The following BBS9 variants were observed in gnomAD, a reference collection of about 807,000 sequenced individuals.
BBS9 encodes the protein protein PTHB1.
BBS9 carries 89 observed loss-of-function variants against 117.7 expected under a neutral mutation model. The observed-to-expected ratio is 0.76, with a 90% confidence interval of 0.64 to 0.90. The LOEUF is 0.90. Ranked by LOEUF, BBS9 falls within the 40% of genes least tolerant of loss-of-function variation. The pLI is 0.00. For missense variants in BBS9, 982 were observed against 1,042.2 expected (o/e 0.94, Z 0.80); for synonymous variants, 379 against 370.9 (o/e 1.02, Z -0.25).
intron 20 of BBS9, among the ~76,000 whole-genome samples, chr7:33,514,706 C>A (rs1425812327): frequency 6.6e-6 from 1 of 152,102 alleles, no homozygotes; most frequent in Non-Finnish European, 1.5e-5. Context: ...CACAAAGTAA[C>A]TAAAAATGGC....
intron 20 of BBS9, among the ~76,000 whole-genome samples, chr7:33,515,618 T>G (rs535860704): frequency 6.6e-6 from 1 of 152,240 alleles, no homozygotes; most frequent in Non-Finnish European, 1.5e-5. Context: ...TTTAATGCTC[T>G]CACAATAGTC....
chr7:33,446,765 GA>G, intron 19 of BBS9, among the ~76,000 whole-genome samples: 1 of 152,238 alleles, frequency 6.6e-6, no homozygotes, highest in Middle Eastern at 3.4e-3. Context: ...CAATATTAGC[GA>G]AAGAAATTGG....
intron 21 of BBS9, among the ~76,000 whole-genome samples, chr7:33,594,800 G>A (rs1862465692): frequency 6.6e-6 from 1 of 152,050 alleles, no homozygotes; most frequent in Admixed American, 6.6e-5. Flanking sequence ...CTTTGATGAG[G>A]TCTGTGCCTG....
intron 21 of BBS9, among the ~76,000 whole-genome samples, chr7:33,565,826 T>TAC (rs1856823175): frequency 8.7e-5 from 4 of 46,228 alleles, no homozygotes; most frequent in South Asian, 7.6e-4. Flanking sequence ...TATATATATA[T>TAC]ACCGCTATAT....
At chr7:33,307,116 AT>A (rs945451272) in intron 9 of BBS9, among the ~76,000 whole-genome samples, 24 of 152,282 alleles carry the variant, frequency 1.6e-4, no homozygotes, top group Admixed American at 1.0e-3. Context: ...ATTCTTTTCA[AT>A]TTTCAATTTG....
intron 5 of BBS9, among the ~76,000 whole-genome samples, chr7:33,226,171 C>T (rs538465085): frequency 2.0e-5 from 3 of 152,176 alleles, no homozygotes; most frequent in African/African-American, 7.2e-5. Context: ...GATCCTTACT[C>T]TTTCCCCTTG....
intron 5 of BBS9, among the ~76,000 whole-genome samples, chr7:33,253,698 C>T (rs1419823734): frequency 6.6e-6 from 1 of 152,170 alleles, no homozygotes; most frequent in Non-Finnish European, 1.5e-5. Flanking sequence ...GCTCTGCTGT[C>T]CACAATACGT....
chr7:33,505,727 T>G, intron 20 of BBS9, 82 bp downstream of exon 20: 1 of 1,411,554 alleles, frequency 7.1e-7, no homozygotes. Context: ...GGCTATCAGG[T>G]TTTCTAAGGT....
At chr7:33,506,480 G>A (rs1466865146) in intron 20 of BBS9, among the ~76,000 whole-genome samples, 1 of 152,152 alleles carries the variant, frequency 6.6e-6, no homozygotes, top group Non-Finnish European at 1.5e-5. Flanking sequence ...GGTACCAGGT[G>A]TTAAGTGTTT....
At chr7:33,363,376 T>C (rs944781423) in intron 16 of BBS9, among the ~76,000 whole-genome samples, 3 of 152,198 alleles carry the variant, frequency 2.0e-5, no homozygotes, top group African/African-American at 7.2e-5. Flanking sequence ...GTGCTGGGAT[T>C]ACAGGCGTGA....
At chr7:33,343,611 GTC>G (rs945863012) in intron 11 of BBS9, among the ~76,000 whole-genome samples, 3 of 151,962 alleles carry the variant, frequency 2.0e-5, no homozygotes, top group African/African-American at 4.8e-5. Context: ...CAATTCTCCT[GTC>G]TCAGCCTCCG....
intron 21 of BBS9, among the ~76,000 whole-genome samples, chr7:33,617,266 T>C (rs1865187863): frequency 1.3e-5 from 2 of 152,084 alleles, no homozygotes; most frequent in African/African-American, 4.8e-5. Context: ...AAGACACATA[T>C]AGATTAAAAG....
At chr7:33,385,852 T>C (rs1825907898) in intron 18 of BBS9, among the ~76,000 whole-genome samples, 1 of 152,168 alleles carries the variant, frequency 6.6e-6, no homozygotes, top group Admixed American at 6.5e-5. Context: ...TATTTAAAAA[T>C]ATTTTTATTA....
At chr7:33,183,644 A>C (rs966646195) in intron 5 of BBS9, among the ~76,000 whole-genome samples, 12 of 152,200 alleles carry the variant, frequency 7.9e-5, no homozygotes, top group Admixed American at 3.9e-4. Context: ...AGAGCAGTCA[A>C]TTTTGAGCTT....
At chr7:33,396,944 AG>A (rs1828070827) in intron 19 of BBS9, among the ~76,000 whole-genome samples, 2 of 152,192 alleles carry the variant, frequency 1.3e-5, no homozygotes, top group African/African-American at 4.8e-5. Flanking sequence ...AGAGCTAGCT[AG>A]CCATATGCAA....
At chr7:33,468,018 A>C (rs182728568) in intron 19 of BBS9, among the ~76,000 whole-genome samples, 9 of 152,164 alleles carry the variant, frequency 5.9e-5, no homozygotes, top group Non-Finnish European at 1.2e-4. Context: ...CCAGCCTGCC[A>C]TGTGCTCTGT....
intron 21 of BBS9, among the ~76,000 whole-genome samples, chr7:33,590,452 TTTTTTTG>T (rs1285541316): frequency 3.9e-5 from 4 of 102,706 alleles, no homozygotes; most frequent in East Asian, 3.9e-4. Context: ...TGTTTTTTTG[TTTTTTTG>T]TTTTTTTTTT....
At chr7:33,298,185 G>C (rs1805656588) in intron 9 of BBS9, among the ~76,000 whole-genome samples, 1 of 151,766 alleles carries the variant, frequency 6.6e-6, no homozygotes, top group Non-Finnish European at 1.5e-5. Context: ...TGACACATAG[G>C]AATATTTTTT....
intron 17 of BBS9, among the ~76,000 whole-genome samples, chr7:33,373,665 T>G (rs1041441252): frequency 2.9e-4 from 44 of 152,154 alleles, no homozygotes; most frequent in African/African-American, 1.0e-3. Context: ...TGGTATAGCC[T>G]TAGGTAGGTG....
Sources: allele counts gnomAD v4.1 joint callset (sites outside exome capture counted in the v4.1 genomes callset), GRCh38; gene constraint gnomAD v4.1.1; transcripts MANE v1.5; gene names NCBI Gene and HGNC (gene_info 2026-07-23, HGNC 2026-07-21).